The following UBXN11 variants were observed in gnomAD, a reference collection of about 807,000 sequenced individuals.
UBXN11 encodes the protein UBX domain-containing protein 11.
In UBXN11, 47 loss-of-function variants were observed where a neutral mutation model predicts 62.8. The observed-to-expected ratio is 0.75, with a 90% CI of 0.59 to 0.95. UBXN11 has a LOEUF of 0.95. UBXN11 is among the 40% of genes least tolerant of loss of function. UBXN11 has a pLI of 0.00. For missense variants in UBXN11, 638 were observed against 661.7 expected (o/e 0.96, Z 0.39); for synonymous variants, 294 against 267.0 (o/e 1.10, Z -0.99).
At chr1:26,289,134 C>T (rs1450419834) in intron 8 of UBXN11, among the ~76,000 whole-genome samples, 1 of 152,218 alleles carries the variant, frequency 6.6e-6, no homozygotes, top group Non-Finnish European at 1.5e-5. Flanking sequence ...TCGCCTTGCG[C>T]TCTGGTGGGC....
At chr1:26,291,868 C>T (rs1345468730) in intron 8 of UBXN11, among the ~76,000 whole-genome samples, 2 of 152,214 alleles carry the variant, frequency 1.3e-5, no homozygotes, top group Non-Finnish European at 2.9e-5. Context: ...GGACACGCTC[C>T]CCTTCCTAGC....
intron 9 of UBXN11, 85 bp downstream of exon 9, chr1:26,285,738 C>T: frequency 6.7e-7 from 1 of 1,496,918 alleles, no homozygotes; most frequent in Non-Finnish European, 9.0e-7. Flanking sequence ...GCAGGCTGGG[C>T]CTGGGGTGAG....
At chr1:26,294,373 G>T (rs567361094) in intron 7 of UBXN11, 42 bp from the exon 8 acceptor site, 8 of 1,605,058 alleles carry the variant, frequency 5.0e-6, no homozygotes, top group Non-Finnish European at 8.5e-7. Context: ...CGTCAGCTCA[G>T]CCCCTTCCCA....
At chr1:26,315,285 C>G (rs138922620) in intron 1 of UBXN11, among the ~76,000 whole-genome samples, 1 of 152,188 alleles carries the variant, frequency 6.6e-6, no homozygotes, top group Non-Finnish European at 1.5e-5. Context: ...AACTATAACA[C>G]GGCTGGCCCC....
At position 26,282,942 on chromosome 1, in the gene UBXN11, A is replaced by C. The variant is rs374388078; in HGVS notation, c.1078-5T>G. On this transcript the variant is annotated splice_polypyrimidine_tract_variant and splice_region_variant and intron_variant, in intron 12 of 14. Transcript: ENST00000374222. The stretch of plus-strand genomic sequence containing the variant: ...GGCAGGCAATGGGCAGCAGTTCTGG[A>C]AGGTATCAGTGGAGGGTGGACAGAG... 499 of 1,614,018 alleles carry C rather than the reference A, an allele frequency of 3.1e-4. No individual in the cohort carries two copies. Among genetic ancestry groups the C allele is most frequent in the Non-Finnish European group, 4.1e-4 (483 of 1,180,040 alleles).
At chr1:26,295,007 G>A (rs1216513625) in intron 7 of UBXN11, among the ~76,000 whole-genome samples, 2 of 152,030 alleles carry the variant, frequency 1.3e-5, no homozygotes, top group Admixed American at 1.3e-4. Context: ...ACTCATGGGG[G>A]CCCAGCTCCA....
chr1:26,286,281 A>C (rs981436691), intron 8 of UBXN11, among the ~76,000 whole-genome samples: 1 of 152,238 alleles, frequency 6.6e-6, no homozygotes, highest in African/African-American at 2.4e-5. Flanking sequence ...TAAAGGCTAT[A>C]ATCACCTCCA....
At chr1:26,292,456 C>T (rs963989081) in intron 8 of UBXN11, among the ~76,000 whole-genome samples, 1 of 152,082 alleles carries the variant, frequency 6.6e-6, no homozygotes, top group Non-Finnish European at 1.5e-5. Context: ...GAGGTTGAGG[C>T]TGCAGTGAGC....
intron 4 of UBXN11, among the ~76,000 whole-genome samples, chr1:26,299,984 A>G (rs1017622459): frequency 5.3e-5 from 8 of 151,326 alleles, no homozygotes; most frequent in African/African-American, 2.0e-4. Flanking sequence ...GACAGAGCAA[A>G]ACCCTGTCTC....
chr1:26,314,637 C>T lies in UBXN11; in HGVS notation c.-149+3410G>A, dbSNP rs1381934800. On this transcript the variant is annotated intron_variant, in intron 1 of 14. Coordinates refer to the UBXN11 transcript ENST00000374217. ...ATAGATCTAGATGAATACACGCACT[C>T]ATTCTTCCGGCAGTCCCTGACACCT... Among the ~76,000 whole-genome samples, 3 of 152,074 alleles carry T rather than the reference C, an allele frequency of 2.0e-5. No individual in the cohort carries two copies. In the South Asian group the frequency reaches 6.2e-4, roughly 32 times the overall value.
intron 8 of UBXN11, among the ~76,000 whole-genome samples, chr1:26,290,297 G>A (rs1024960689): frequency 7.2e-5 from 11 of 152,186 alleles, no homozygotes; most frequent in African/African-American, 1.2e-4. Flanking sequence ...CTAGGAGCCC[G>A]TCAGCACGAC....
At chr1:26,304,800 A>C (rs998001201) in intron 1 of UBXN11, among the ~76,000 whole-genome samples, 2 of 151,892 alleles carry the variant, frequency 1.3e-5, no homozygotes, top group African/African-American at 2.4e-5. Flanking sequence ...GTCCCTGCTT[A>C]TGTCTCCTGA....
intron 8 of UBXN11, among the ~76,000 whole-genome samples, chr1:26,291,304 C>T (rs1231804924): frequency 6.6e-6 from 1 of 152,158 alleles, no homozygotes; most frequent in East Asian, 1.9e-4. Flanking sequence ...GAGAGATGTC[C>T]CAGGAACAGA....
chr1:26,290,991 C>T (rs941496587), intron 8 of UBXN11, among the ~76,000 whole-genome samples: 3 of 152,116 alleles, frequency 2.0e-5, no homozygotes, highest in African/African-American at 7.2e-5. Flanking sequence ...TGCTCTGTGA[C>T]GCTGGCAGAG....
chr1:26,306,833 G>GGGGGGGGT (rs2073681027), upstream of UBXN11: 5 of 32,066 alleles, frequency 1.6e-4, no homozygotes, highest in Non-Finnish European at 6.2e-4. Flanking sequence ...GCGGGGTGGG[G>GGGGGGGGT]GGGGGGGGTG....
At chr1:26,306,316 C>T (rs959254705) in intron 1 of UBXN11, 1 of 152,398 alleles carries the variant, frequency 6.6e-6, no homozygotes, top group African/African-American at 2.4e-5. Context: ...TCCTCGGCCT[C>T]TCCGTCATCC....
intron 9 of UBXN11, 23 bp downstream of exon 9, chr1:26,285,800 A>ACCC (rs370062434): frequency 1.3e-6 from 2 of 1,564,766 alleles, no homozygotes; most frequent in African/African-American, 2.7e-5. Flanking sequence ...CTAGAGCACC[A>ACCC]CCCCCCCCAA....
rs1412795921 is a variant in UBXN11, at chr1:26,296,918, C to A, written c.432+1G>T. The A allele has an allele frequency of 6.2e-7, 1 of 1,602,228 alleles. No homozygotes were observed. Among genetic ancestry groups the A allele is most frequent in the East Asian group, 2.2e-5 (1 of 44,602 alleles). On this transcript the variant is annotated splice_donor_variant, in intron 7 of 14. Coordinates refer to ENST00000374222, the MANE Select transcript of UBXN11 (RefSeq NM_001389556.1). LOFTEE classifies it high-confidence loss of function. ...CATCCCCCGGGGCCCAGCTCTCTCA[C>A]CTCCATCTCCCTGACCTGCCGCTGC...
At position 26,285,296 on chromosome 1, in the gene UBXN11, C is replaced by G. The variant is rs960860209; in HGVS notation, c.852+168G>C. The G allele has an allele frequency of 1.1e-5, 16 of 1,434,392 alleles. No individual in the cohort carries two copies. In the Admixed American group the frequency reaches 4.0e-4, roughly 36 times the overall value. The allele number at this position is 1,434,392 out of a possible 1,614,324, so 88.9% of individuals were successfully genotyped here. On this transcript the variant is annotated intron_variant, in intron 10 of 14. Transcript: ENST00000374222. ...CCTGCTGCTCTGTTTCGGGCCTCTCCGCTCCCTTCCCAGCCCGGCTTCAGA... is the reference window on the plus strand; with the variant it reads ...CCTGCTGCTCTGTTTCGGGCCTCTCGGCTCCCTTCCCAGCCCGGCTTCAGA...
Sources: gnomAD v4.1 joint callset for allele counts (sites outside exome capture counted in the v4.1 genomes callset) on GRCh38, gnomAD v4.1.1 for gene constraint, MANE v1.5 for transcripts, NCBI Gene and HGNC (gene_info 2026-07-23, HGNC 2026-07-21) for gene names.